Variants in QRSL1 observed in about 807,000 individuals in gnomAD.
QRSL1 encodes the protein glutaminyl-tRNA amidotransferase subunit QRSL1, also known as glutamyl-tRNA(Gln) amidotransferase subunit A, mitochondrial.
QRSL1 carries 54 observed loss-of-function variants against 61.6 expected under a neutral mutation model. That is an observed-to-expected ratio of 0.88 (90% CI 0.70 to 1.10). QRSL1 has a LOEUF of 1.10. Ranked by LOEUF, QRSL1 falls within the 50% of genes least tolerant of loss-of-function variation. QRSL1 has a pLI of 0.00. For synonymous variants in QRSL1, 228 were observed against 225.7 expected, an observed-to-expected ratio of 1.01 and a Z score of -0.09; for missense variants, 505 against 622.6, an observed-to-expected ratio of 0.81 and a Z score of 2.01.
intron 1 of QRSL1, among the ~76,000 whole-genome samples, chr6:106,639,404 A>G (rs916052649): frequency 2.0e-5 from 3 of 152,122 alleles, no homozygotes; most frequent in South Asian, 2.1e-4. Flanking sequence ...GATTACAGGC[A>G]TGAGCCACTG....
At chr6:106,645,103 C>G (rs1304023896) in intron 4 of QRSL1, among the ~76,000 whole-genome samples, 1 of 152,170 alleles carries the variant, frequency 6.6e-6, no homozygotes, top group Non-Finnish European at 1.5e-5. Flanking sequence ...CAGTGTCACA[C>G]CATCTTGATT....
At chr6:106,646,648 TA>T (rs144532152) in intron 4 of QRSL1, among the ~76,000 whole-genome samples, 1 of 150,798 alleles carries the variant, frequency 6.6e-6, no homozygotes, top group Non-Finnish European at 1.5e-5. Flanking sequence ...AAAAAAAAAT[TA>T]AAAAAAACAG....
intron 1 of QRSL1, among the ~76,000 whole-genome samples, chr6:106,633,009 T>A (rs1262670747): frequency 6.6e-6 from 1 of 152,234 alleles, no homozygotes; most frequent in African/African-American, 2.4e-5. Flanking sequence ...CCTTAAGTGC[T>A]ACCTTTTTTA....
intron 9 of QRSL1, among the ~76,000 whole-genome samples, chr6:106,659,622 C>CA (rs1406845311): frequency 6.6e-6 from 1 of 152,056 alleles, no homozygotes. Context: ...GTGAATTTTA[C>CA]ATTGTCATTT....
At chr6:106,629,865 C>T (rs1439284955) in intron 1 of QRSL1, among the ~76,000 whole-genome samples, 160 bp downstream of exon 1, 1 of 152,202 alleles carries the variant, frequency 6.6e-6, no homozygotes. Context: ...CGGGTGTACT[C>T]GCCGTACCCA....
intron 2 of QRSL1, 27 bp from the exon 3 acceptor site, chr6:106,640,796 T>C (rs1389340611): frequency 3.2e-6 from 5 of 1,554,024 alleles, no homozygotes; most frequent in Non-Finnish European, 3.6e-6. Context: ...CTATCTCCTT[T>C]ATCACTCTTT....
At chr6:106,652,708 T>G (rs1303789742) in intron 7 of QRSL1, 126 bp downstream of exon 7, 1 of 1,552,134 alleles carries the variant, frequency 6.4e-7, no homozygotes, top group Admixed American at 2.0e-5. Flanking sequence ...GTGAGTTGAG[T>G]ATGTGACTTA....
At chr6:106,654,506 T>C (rs1777237262) in intron 7 of QRSL1, among the ~76,000 whole-genome samples, 1 of 152,354 alleles carries the variant, frequency 6.6e-6, no homozygotes, top group South Asian at 2.1e-4. Context: ...AATGTTGTTA[T>C]ATCCAGATCA....
intron 1 of QRSL1, among the ~76,000 whole-genome samples, chr6:106,634,407 T>TA (rs1776888277): frequency 6.6e-6 from 1 of 152,190 alleles, no homozygotes; most frequent in South Asian, 2.1e-4. Flanking sequence ...TGATCTGAGT[T>TA]AAAATTTTAA....
Position 106,652,322 on chromosome 6 carries a change from T to G in QRSL1, c.671T>G (p.Val224Gly). 2 of 1,614,204 alleles carry G rather than the reference T, an allele frequency of 1.2e-6. No homozygotes were observed. The highest frequency in any genetic ancestry group is 1.7e-6 in the Non-Finnish European group (2 of 1,180,044). ...LVSRHGLIPLVNSMDVPGILT... is the reference protein window; with the variant it reads ...LVSRHGLIPLGNSMDVPGILT... Reference sequence around the variant, plus strand: ...TCCCGTCATGGTCTCATTCCCCTGGTGAATTCGATGGATGTGCCAGGAATC... The same window carrying G: ...TCCCGTCATGGTCTCATTCCCCTGGGGAATTCGATGGATGTGCCAGGAATC... Residue 224 changes from valine (V) to glycine (G), a missense_variant, in exon 6 of 11, where the codon GTG becomes GGG. Coordinates refer to ENST00000369046, the MANE Select transcript of QRSL1 (RefSeq NM_018292.5).
At position 106,640,277 on chromosome 6, in the gene QRSL1, C is replaced by A; in HGVS notation, c.25-72C>A. On this transcript the variant is annotated intron_variant, in intron 1 of 10. Coordinates refer to ENST00000369046, the MANE Select transcript of QRSL1 (RefSeq NM_018292.5). The stretch of plus-strand genomic sequence containing the variant: ...TTATACTTAGCCACTCCATCTCCCC[C>A]CACCCCCACCAATATAACAATTGAA... 5.1e-6 allele frequency: 7 copies of A among 1,384,556 alleles called. No homozygotes were observed. The South Asian group carries it at 7.3e-5, about 14-fold the overall frequency. The allele number at this position is 1,384,556 out of a possible 1,614,324, so 85.8% of individuals were successfully genotyped here. A position where few individuals can be genotyped will look rare whatever the true frequency, so the allele number is the denominator to read the frequency against.
chr6:106,663,635 G>A (rs757288304), intron 10 of QRSL1, among the ~76,000 whole-genome samples: 1 of 152,118 alleles, frequency 6.6e-6, no homozygotes, highest in Non-Finnish European at 1.5e-5. Context: ...GTGTTAAACC[G>A]TTTATGAGAA....
intron 1 of QRSL1, among the ~76,000 whole-genome samples, chr6:106,630,554 G>GTCAC (rs1776801516): frequency 6.6e-6 from 1 of 152,016 alleles, no homozygotes; most frequent in African/African-American, 2.4e-5. Context: ...CCTGGTTCAC[G>GTCAC]TCACTCAACC....
Position 106,640,910 on chromosome 6 carries a change from A to G in QRSL1, c.272A>G (p.Asn91Ser). 6.2e-7 allele frequency: 1 copy of G among 1,612,610 alleles called. No individual in the cohort carries two copies. The highest frequency in any genetic ancestry group is 8.5e-7 in the Non-Finnish European group (1 of 1,178,926). The change falls in exon 3 of 11, where the codon AAT becomes AGT. Residue 91 changes from asparagine (N) to serine (S), a missense_variant. Coordinates refer to ENST00000369046, the MANE Select transcript of QRSL1 (RefSeq NM_018292.5). ...GGCATTGAGACAACATGTGCATCAAATATGCTGAAAGGTAAAGTTTAACTG... is the reference window on the plus strand; with the variant it reads ...GGCATTGAGACAACATGTGCATCAAGTATGCTGAAAGGTAAAGTTTAACTG... Reference protein sequence around the residue: ...TSGIETTCASNMLKGYIPPYN... With the variant: ...TSGIETTCASSMLKGYIPPYN...
chr6:106,632,773 A>G lies in QRSL1; in HGVS notation c.24+3068A>G, dbSNP rs1432646320. Among the ~76,000 whole-genome samples the G allele has an allele frequency of 7.2e-5, 11 of 152,188 alleles. No individual in the cohort carries two copies. The East Asian group carries it at 1.9e-3, about 27-fold the overall frequency. ...TATGTCTTTCTTTTGAGAAATGTCT[A>G]TTCCAATCTTTTGCCCATTTTTAAT... is the stretch of plus-strand genomic sequence containing the variant. On this transcript the variant is annotated intron_variant, in intron 1 of 10. Transcript: ENST00000369046.
chr6:106,641,709 T>C (rs12214412), intron 3 of QRSL1, among the ~76,000 whole-genome samples: 52,090 of 152,114 alleles, frequency 0.34, 9,472 homozygotes, highest in Non-Finnish European at 0.41. Flanking sequence ...GAGAAAATTT[T>C]AGTTGAAAAT....
At chr6:106,646,649 A>T (rs115571900) in intron 4 of QRSL1, among the ~76,000 whole-genome samples, 2,915 of 104,958 alleles carry the variant, frequency 0.028, 80 homozygotes, top group African/African-American at 0.08. Context: ...AAAAAAAATT[A>T]AAAAAAACAG....
intron 9 of QRSL1, among the ~76,000 whole-genome samples, chr6:106,660,779 G>C (rs1322221991): frequency 6.6e-6 from 1 of 152,066 alleles, no homozygotes; most frequent in Non-Finnish European, 1.5e-5. Context: ...GGGCCTTCTT[G>C]CTATGTCCAC....
At chr6:106,636,345 G>C (rs992700360) in intron 1 of QRSL1, among the ~76,000 whole-genome samples, 5 of 145,452 alleles carry the variant, frequency 3.4e-5, no homozygotes, top group African/African-American at 1.3e-4. Flanking sequence ...TTTTTAAGAC[G>C]GAGTCTCGCT....
Sources: gnomAD v4.1 joint callset for allele counts (sites outside exome capture counted in the v4.1 genomes callset) on GRCh38, gnomAD v4.1.1 for gene constraint, MANE v1.5 for transcripts, NCBI Gene and HGNC (gene_info 2026-07-23, HGNC 2026-07-21) for gene names.